The following MTHFD2L variants were observed in gnomAD, a reference collection of about 807,000 sequenced individuals.
The protein encoded by MTHFD2L is methylenetetrahydrofolate dehydrogenase (NADP+ dependent) 2 like.
In MTHFD2L, 29 loss-of-function variants were observed where a neutral mutation model predicts 34.9. The ratio of observed to expected loss-of-function variants is 0.83; its 90% CI spans 0.62 to 1.13. The LOEUF (loss-of-function observed/expected upper bound fraction) is 1.13. Among genes scored for constraint, MTHFD2L ranks in the 50% most tolerant of loss-of-function variants. The pLI is 0.00. For synonymous variants in MTHFD2L, 167 were observed against 155.7 expected, an observed-to-expected ratio of 1.07 and a Z score of -0.54; for missense variants, 481 against 446.5, an observed-to-expected ratio of 1.08 and a Z score of -0.70.
At chr4:74,248,855 A>G (rs1438625572) in intron 6 of MTHFD2L, among the ~76,000 whole-genome samples, 1 of 151,450 alleles carries the variant, frequency 6.6e-6, no homozygotes, top group Non-Finnish European at 1.5e-5. Flanking sequence ...ACAGTTTGTT[A>G]TAATTTCTGT....
upstream of MTHFD2L, among the ~76,000 whole-genome samples, chr4:74,154,416 A>C (rs1277679274): frequency 6.6e-6 from 1 of 152,064 alleles, no homozygotes; most frequent in Non-Finnish European, 1.5e-5. Context: ...TATCTACATA[A>C]ATTTTAGGAA....
intron 1 of MTHFD2L, among the ~76,000 whole-genome samples, chr4:74,146,446 A>G (rs1251051567): frequency 6.6e-6 from 1 of 152,314 alleles, no homozygotes; most frequent in East Asian, 1.9e-4. Flanking sequence ...TTAATTTGTA[A>G]TCAATCTCCA....
At chr4:74,243,060 G>A (rs902174140) in intron 6 of MTHFD2L, among the ~76,000 whole-genome samples, 2 of 152,164 alleles carry the variant, frequency 1.3e-5, no homozygotes, top group Non-Finnish European at 2.9e-5. Flanking sequence ...AGAGAGAGGT[G>A]CAGGATGCTA....
intron 7 of MTHFD2L, among the ~76,000 whole-genome samples, chr4:74,284,980 C>T (rs1473784040): frequency 1.3e-5 from 2 of 152,070 alleles, no homozygotes; most frequent in Non-Finnish European, 2.9e-5. Context: ...GAAAATGTGG[C>T]ACATATACAC....
intron 6 of MTHFD2L, among the ~76,000 whole-genome samples, chr4:74,226,317 C>G (rs979020954): frequency 3.3e-5 from 5 of 152,070 alleles, no homozygotes; most frequent in Non-Finnish European, 7.4e-5. Context: ...CACATTCTTT[C>G]TTTACTCCCT....
intron 6 of MTHFD2L, among the ~76,000 whole-genome samples, chr4:74,251,259 G>A (rs370472555): frequency 2.6e-5 from 4 of 152,216 alleles, no homozygotes; most frequent in East Asian, 1.9e-4. Flanking sequence ...CAAAACTTGC[G>A]GTTCTTGACA....
At chr4:74,293,677 T>C (rs990196447) in intron 7 of MTHFD2L, 1 of 179,850 alleles carries the variant, frequency 5.6e-6, no homozygotes, top group African/African-American at 2.4e-5. Context: ...TTCACCATGC[T>C]CTTAAGTGTC....
intron 6 of MTHFD2L, among the ~76,000 whole-genome samples, chr4:74,232,136 A>T (rs1337475819): frequency 2.0e-5 from 3 of 152,226 alleles, no homozygotes; most frequent in Non-Finnish European, 4.4e-5. Flanking sequence ...GTTGCTTTTG[A>T]TACTAATACA....
At chr4:74,206,238 A>T (rs981540598) in intron 5 of MTHFD2L, among the ~76,000 whole-genome samples, 1 of 152,006 alleles carries the variant, frequency 6.6e-6, no homozygotes, top group African/African-American at 2.4e-5. Flanking sequence ...GGAAAACTTG[A>T]TAAAGAAGGC....
intron 6 of MTHFD2L, among the ~76,000 whole-genome samples, chr4:74,251,885 G>C (rs1034978692): frequency 6.6e-6 from 1 of 152,180 alleles, no homozygotes; most frequent in Non-Finnish European, 1.5e-5. Flanking sequence ...AGAAAGAGAG[G>C]TCTCTGTAGA....
chr4:74,235,504 G>C (rs1235147171), intron 6 of MTHFD2L, among the ~76,000 whole-genome samples: 1 of 152,126 alleles, frequency 6.6e-6, no homozygotes, highest in African/African-American at 2.4e-5. Flanking sequence ...GAAAAGTCCA[G>C]GAGAGGGTTG....
chr4:74,270,479 G>C (rs1745824238), intron 6 of MTHFD2L, among the ~76,000 whole-genome samples: 1 of 152,060 alleles, frequency 6.6e-6, no homozygotes, highest in African/African-American at 2.4e-5. Context: ...CTTCATCCAT[G>C]TCCCTACAAA....
At chr4:74,196,681 G>T (rs1329872892) in intron 3 of MTHFD2L, among the ~76,000 whole-genome samples, 1 of 152,080 alleles carries the variant, frequency 6.6e-6, no homozygotes, top group Non-Finnish European at 1.5e-5. Flanking sequence ...AGGCTCAGTG[G>T]CTCATGCCTG....
At chr4:74,232,901 C>T (rs1452822013) in intron 6 of MTHFD2L, among the ~76,000 whole-genome samples, 1 of 152,082 alleles carries the variant, frequency 6.6e-6, no homozygotes, top group Non-Finnish European at 1.5e-5. Flanking sequence ...CAGTTCTTGA[C>T]TATTGGACAT....
chr4:74,182,686 C>T (rs1730422924), intron 3 of MTHFD2L: 1 of 152,108 alleles, frequency 6.6e-6, no homozygotes, highest in African/African-American at 2.4e-5. Context: ...TCCAAATATC[C>T]ACATGTCCTC....
rs151338392 is a variant in MTHFD2L at position 74,242,670 on chromosome 4, G to A, written c.805+17276G>A. ...TTCTGTTTTTGGCTATGGCTGCCAC[G>A]ATTTTGGACAGTGGGATGTGCTTTT... is the stretch of plus-strand genomic sequence containing the variant. On this transcript the variant is annotated intron_variant, in intron 6 of 7. Coordinates refer to ENST00000325278, the MANE Select transcript of MTHFD2L (RefSeq NM_001144978.3). Among the ~76,000 whole-genome samples, 38 of 152,268 alleles carry A rather than the reference G, an allele frequency of 2.5e-4. No individual in the cohort carries two copies. In the East Asian group the frequency reaches 5.4e-3, roughly 22 times the overall value.
chr4:74,266,806 C>CT, intron 6 of MTHFD2L: 1 of 973,742 alleles, frequency 1.0e-6, no homozygotes, highest in African/African-American at 1.8e-5. Context: ...TGCTAGAATG[C>CT]TTAAAGGTTG....
At chr4:74,135,537 G>T (rs139555846) in intron 1 of MTHFD2L, among the ~76,000 whole-genome samples, 1 of 151,974 alleles carries the variant, frequency 6.6e-6, no homozygotes, top group Non-Finnish European at 1.5e-5. Context: ...AAAAGCTCAC[G>T]GCCTGATAAC....
At chr4:74,153,102 T>C (rs756218829) in intron 1 of MTHFD2L, among the ~76,000 whole-genome samples, 3 of 152,200 alleles carry the variant, frequency 2.0e-5, no homozygotes, top group South Asian at 2.1e-4. Context: ...AGTAAGCTTA[T>C]CTTATGAATG....
Sources: allele counts gnomAD v4.1 joint callset (sites outside exome capture counted in the v4.1 genomes callset), GRCh38; gene constraint gnomAD v4.1.1; transcripts MANE v1.5; gene names NCBI Gene and HGNC (gene_info 2026-07-23, HGNC 2026-07-21).